Variants in MAP3K9 observed in about 807,000 individuals in gnomAD.
The protein encoded by MAP3K9 is mitogen-activated protein kinase kinase kinase 9.
Under a neutral mutation model 95.8 loss-of-function variants are expected in MAP3K9, and 46 were observed. That is an observed-to-expected ratio of 0.48 (90% CI 0.38 to 0.61). The LOEUF is 0.61. Ranked by LOEUF, MAP3K9 falls within the 20% of genes least tolerant of loss-of-function variation. The pLI, the probability that MAP3K9 is intolerant of heterozygous loss-of-function variation, is 0.00. For missense variants in MAP3K9, 1,296 were observed against 1,474.3 expected (o/e 0.88, Z 1.98); for synonymous variants, 533 against 593.8 (o/e 0.90, Z 1.49).
intron 1 of MAP3K9, among the ~76,000 whole-genome samples, chr14:70,803,804 C>T (rs1354937160): frequency 6.6e-6 from 1 of 152,218 alleles, no homozygotes; most frequent in African/African-American, 2.4e-5. Flanking sequence ...TGTAGACTAG[C>T]AATCGGCATC....
rs758972485 is a variant in MAP3K9 at position 70,733,236 on chromosome 14, G to A, written c.2133C>T (p.Gly711=). 1 of 1,612,524 alleles carries A rather than the reference G, an allele frequency of 6.2e-7. No individual in the cohort carries two copies. The highest frequency in any genetic ancestry group is 1.7e-5 in the Admixed American group (1 of 59,910). Residue 711 remains glycine, a synonymous_variant, in exon 11 of 12, where the codon GGC becomes GGT. Coordinates refer to ENST00000554752, the MANE Select transcript of MAP3K9 (RefSeq NM_001284230.2). The part of the protein sequence containing the change: ...IPFPRGEDGD[G]PSSDGIHEEP... ...CCTCATGGATTCCATCACTGGAGGG[G>A]CCATCGCCATCCTCTCCACGAGGGA...
At chr14:70,760,038 G>A (rs1303062520) in intron 3 of MAP3K9, among the ~76,000 whole-genome samples, 2 of 139,666 alleles carry the variant, frequency 1.4e-5, no homozygotes, top group Non-Finnish European at 3.1e-5. Flanking sequence ...TTACAGGCAT[G>A]AGCCACTGTA....
intron 2 of MAP3K9, among the ~76,000 whole-genome samples, chr14:70,768,992 A>T (rs372849000): frequency 2.0e-5 from 3 of 152,282 alleles, no homozygotes; most frequent in East Asian, 3.9e-4. Context: ...TTTAAAGTTT[A>T]TTGTTAAACG....
chr14:70,765,088 T>A (rs988270355), intron 2 of MAP3K9, among the ~76,000 whole-genome samples: 1 of 151,926 alleles, frequency 6.6e-6, no homozygotes, highest in Non-Finnish European at 1.5e-5. Flanking sequence ...CAGCACTTTG[T>A]GAGGCCGAGG....
chr14:70,763,507 C>T (rs74837194), intron 2 of MAP3K9, among the ~76,000 whole-genome samples: 2,858 of 151,110 alleles, frequency 0.019, 38 homozygotes, highest in Non-Finnish European at 0.03. Context: ...TGCTAATAAG[C>T]GACTATGTTA....
chr14:70,801,989 T>G (rs1397042912), intron 1 of MAP3K9, among the ~76,000 whole-genome samples: 13 of 152,166 alleles, frequency 8.5e-5, no homozygotes, highest in Admixed American at 8.5e-4. Context: ...CCAGGAAATG[T>G]CTTTAAAGCC....
chr14:70,775,208 T>A lies in MAP3K9; in HGVS notation c.821-14026A>T, dbSNP rs1029290444. 5.9e-5 allele frequency among the ~76,000 whole-genome samples: 9 copies of A among 152,146 alleles called. No homozygotes were observed. In the East Asian group the frequency reaches 1.2e-3, roughly 20 times the overall value. ...CTACTATTTTTTTGCATACCTACTA[T>A]GTCCCAGGTGCAATACTAGACACTT... On this transcript the variant is annotated intron_variant, in intron 2 of 11. Coordinates refer to ENST00000554752, the MANE Select transcript of MAP3K9 (RefSeq NM_001284230.2).
At chr14:70,807,891 G>A (rs1018304007) in intron 1 of MAP3K9, among the ~76,000 whole-genome samples, 1 of 152,186 alleles carries the variant, frequency 6.6e-6, no homozygotes, top group South Asian at 2.1e-4. Flanking sequence ...ACGGAAACCA[G>A]GACACTGGGA....
intron 2 of MAP3K9, among the ~76,000 whole-genome samples, chr14:70,761,425 C>A (rs2054373515): frequency 6.6e-6 from 1 of 152,162 alleles, no homozygotes; most frequent in African/African-American, 2.4e-5. Context: ...CTATTGCCAT[C>A]TCAGTTTTAC....
chr14:70,749,100 C>T (rs546126100), intron 4 of MAP3K9, 96 bp from the exon 5 acceptor site: 8 of 1,195,470 alleles, frequency 6.7e-6, no homozygotes, highest in East Asian at 4.8e-5. Flanking sequence ...CAGAAAACTA[C>T]CTCTTACTTC....
intron 2 of MAP3K9, among the ~76,000 whole-genome samples, chr14:70,788,019 A>T (rs1348067756): frequency 6.6e-6 from 1 of 152,216 alleles, no homozygotes; most frequent in Non-Finnish European, 1.5e-5. Context: ...CATAGAAAAA[A>T]AGTTATCAGA....
chr14:70,744,200 G>C (rs549022050), intron 5 of MAP3K9, among the ~76,000 whole-genome samples: 3 of 152,044 alleles, frequency 2.0e-5, no homozygotes, highest in East Asian at 1.9e-4. Flanking sequence ...CTGTGGGAGT[G>C]GGGGGCTAGG....
intron 10 of MAP3K9, 46 bp from the exon 11 acceptor site, chr14:70,733,388 G>A: frequency 1.2e-6 from 1 of 860,650 alleles, no homozygotes; most frequent in Non-Finnish European, 1.8e-6. Context: ...ATGGAAATGA[G>A]GTGGCAGGAA....
At chr14:70,778,334 C>T (rs112231582) in intron 2 of MAP3K9, among the ~76,000 whole-genome samples, 3,549 of 150,204 alleles carry the variant, frequency 0.024, 54 homozygotes, top group Middle Eastern at 0.039. Context: ...TGGAGTGTCA[C>T]GACGCGATCT....
At chr14:70,784,998 C>T (rs1271529102) in intron 2 of MAP3K9, among the ~76,000 whole-genome samples, 1 of 152,160 alleles carries the variant, frequency 6.6e-6, no homozygotes. Context: ...GTCACAGGGT[C>T]CGTCCTGCAG....
intron 2 of MAP3K9, chr14:70,783,288 A>G (rs2054705705): frequency 1.0e-6 from 1 of 959,850 alleles, no homozygotes; most frequent in Admixed American, 6.2e-5. Flanking sequence ...ACGGCATCCT[A>G]AAGTAAATTC....
At chr14:70,734,623 A>G (rs1316635101) in intron 9 of MAP3K9, 125 bp from the exon 10 acceptor site, 3 of 639,494 alleles carry the variant, frequency 4.7e-6, no homozygotes, top group Admixed American at 2.8e-5. Context: ...CTTGGAGTAC[A>G]TACAGGCAAT....
In MAP3K9 at chr14:70,736,040, T is replaced by A; in HGVS notation, c.1845-11A>T. The A allele has an allele frequency of 6.3e-7, 1 of 1,597,854 alleles. No homozygotes were observed. Among genetic ancestry groups the A allele is most frequent in the South Asian group, 1.1e-5 (1 of 90,752 alleles). On this transcript the variant is annotated splice_polypyrimidine_tract_variant and intron_variant, in intron 8 of 11. Transcript: ENST00000554752. ...CGTCTCTGAGGGGATCTTCAATGAA[T>A]AAAGAGAATCAGTAGCAGGCAATGG...
At chr14:70,765,281 G>A (rs1025417489) in intron 2 of MAP3K9, among the ~76,000 whole-genome samples, 1 of 152,180 alleles carries the variant, frequency 6.6e-6, no homozygotes, top group Non-Finnish European at 1.5e-5. Context: ...AGTGAGCCAC[G>A]ATTGCACCAC....
Sources: allele counts gnomAD v4.1 joint callset (sites outside exome capture counted in the v4.1 genomes callset), GRCh38; gene constraint gnomAD v4.1.1; transcripts MANE v1.5; gene names NCBI Gene and HGNC (gene_info 2026-07-23, HGNC 2026-07-21).